The following PSD3 variants were observed in gnomAD, a reference collection of about 807,000 sequenced individuals.
PSD3 encodes PH and SEC7 domain-containing protein 3.
In PSD3, 49 loss-of-function variants were observed where a neutral mutation model predicts 105.5. The ratio of observed to expected loss-of-function variants is 0.46; its 90% CI spans 0.37 to 0.59. The LOEUF is 0.59. Among genes scored for constraint, PSD3 ranks in the 20% least tolerant of loss-of-function variants. PSD3 has a pLI of 0.00. For synonymous variants in PSD3, 557 were observed against 457.8 expected, an observed-to-expected ratio of 1.22 and a Z score of -2.77; for missense variants, 1,561 against 1,263.8, an observed-to-expected ratio of 1.24 and a Z score of -3.57.
intron 2 of PSD3, among the ~76,000 whole-genome samples, chr8:18,908,681 C>A (rs890450735): frequency 6.6e-6 from 1 of 152,178 alleles, no homozygotes; most frequent in Non-Finnish European, 1.5e-5. Context: ...GAGATTCGTA[C>A]CAATCATTTG....
chr8:18,544,726 T>C (rs529461943), intron 15 of PSD3, among the ~76,000 whole-genome samples: 1 of 152,318 alleles, frequency 6.6e-6, no homozygotes, highest in Non-Finnish European at 1.5e-5. Context: ...CCAGGAGGCC[T>C]GGGTCTGTAG....
intron 14 of PSD3, among the ~76,000 whole-genome samples, chr8:18,565,845 G>C (rs1178096451): frequency 6.6e-6 from 1 of 152,114 alleles, no homozygotes; most frequent in African/African-American, 2.4e-5. Flanking sequence ...GCAATGTCTG[G>C]AGACATTTTT....
At chr8:18,714,321 C>T (rs1802441456) in intron 9 of PSD3, among the ~76,000 whole-genome samples, 1 of 151,668 alleles carries the variant, frequency 6.6e-6, no homozygotes, top group Non-Finnish European at 1.5e-5. Context: ...GCAAAAGAAA[C>T]TATCATCACA....
intron 4 of PSD3, among the ~76,000 whole-genome samples, chr8:18,810,425 G>A (rs375381271): frequency 1.5e-4 from 23 of 152,212 alleles, no homozygotes; most frequent in African/African-American, 5.1e-4. Flanking sequence ...ACTATTGCCT[G>A]TATAAAACAA....
intron 4 of PSD3, among the ~76,000 whole-genome samples, chr8:18,860,857 T>A (rs965684851): frequency 6.6e-6 from 1 of 152,224 alleles, no homozygotes; most frequent in African/African-American, 2.4e-5. Flanking sequence ...TTTATTTAGA[T>A]CTATGATTCT....
intron 1 of PSD3, among the ~76,000 whole-genome samples, chr8:19,077,822 G>A (rs1829507644): frequency 1.3e-5 from 2 of 152,140 alleles, no homozygotes; most frequent in African/African-American, 2.4e-5. Flanking sequence ...TCAAGGTTCA[G>A]TATAACCCAA....
chr8:18,816,067 G>C (rs1050627897), intron 4 of PSD3, among the ~76,000 whole-genome samples: 8 of 152,164 alleles, frequency 5.3e-5, no homozygotes, highest in Non-Finnish European at 1.0e-4. Flanking sequence ...AGCTCCCCTG[G>C]AGACAGATCC....
rs576568803 is a variant in PSD3, at chr8:18,824,087, C to T, written c.1635-19189G>A. On this transcript the variant is annotated intron_variant, in intron 4 of 15. Transcript: ENST00000327040. Reference sequence around the variant, plus strand: ...ACTTGGGAGGCTGAGGCGGGAAGAGCACGTGAGCCCAGGACTTTGAGGCTA... The same window carrying T: ...ACTTGGGAGGCTGAGGCGGGAAGAGTACGTGAGCCCAGGACTTTGAGGCTA... 9.0e-4 allele frequency among the ~76,000 whole-genome samples: 137 copies of T among 152,274 alleles called. 1 individual carries two copies. The highest frequency in any genetic ancestry group is 4.4e-3 in the East Asian group (23 of 5,172).
chr8:18,606,595 G>A (rs1804851602), intron 11 of PSD3, among the ~76,000 whole-genome samples: 1 of 152,138 alleles, frequency 6.6e-6, no homozygotes, highest in Admixed American at 6.5e-5. Context: ...AAGAATTTAT[G>A]CACAAACTTT....
intron 1 of PSD3, among the ~76,000 whole-genome samples, chr8:19,007,072 T>C (rs970430008): frequency 1.3e-5 from 2 of 151,966 alleles, no homozygotes; most frequent in South Asian, 2.1e-4. Flanking sequence ...CTGGCTAACA[T>C]GGCGAAACCC....
At chr8:18,536,212 G>A (rs1209180174) in intron 15 of PSD3, among the ~76,000 whole-genome samples, 2 of 152,172 alleles carry the variant, frequency 1.3e-5, no homozygotes, top group African/African-American at 4.8e-5. Context: ...TGTCAACTTG[G>A]AGTTGCTGGC....
intron 4 of PSD3, among the ~76,000 whole-genome samples, chr8:18,832,731 G>A (rs1813777687): frequency 6.6e-6 from 1 of 152,220 alleles, no homozygotes; most frequent in African/African-American, 2.4e-5. Flanking sequence ...TCATCGTCAT[G>A]GTGGAAGGCA....
At position 18,610,975 on chromosome 8, in the gene PSD3, T is replaced by C. The variant is rs546702299; in HGVS notation, c.2411-10541A>G. 3.3e-5 allele frequency among the ~76,000 whole-genome samples: 5 copies of C among 152,296 alleles called. No individual in the cohort carries two copies. In the South Asian group the frequency reaches 1.0e-3, roughly 32 times the overall value. ...TCTACTACGATGTGCCATAATTACT[T>C]TATAATGTTGTTGAGTTAATCTGGG... is the stretch of plus-strand genomic sequence containing the variant. On this transcript the variant is annotated intron_variant, in intron 11 of 15. Transcript: ENST00000327040.
chr8:18,900,553 G>A (rs1186904721), intron 2 of PSD3, among the ~76,000 whole-genome samples: 1 of 151,684 alleles, frequency 6.6e-6, no homozygotes, highest in Non-Finnish European at 1.5e-5. Flanking sequence ...CATCACTAGT[G>A]GTACTTTGTA....
chr8:18,588,667 T>A (rs778286851), intron 12 of PSD3, among the ~76,000 whole-genome samples: 8 of 152,224 alleles, frequency 5.3e-5, no homozygotes, highest in Non-Finnish European at 1.0e-4. Flanking sequence ...TCCAGAGCTA[T>A]CATAAATCCG....
At chr8:18,594,293 A>AT (rs1391562937) in intron 12 of PSD3, among the ~76,000 whole-genome samples, 11 of 37,648 alleles carry the variant, frequency 2.9e-4, no homozygotes, top group African/African-American at 1.5e-3. Flanking sequence ...AATATATATT[A>AT]TATATAATAA....
intron 1 of PSD3, among the ~76,000 whole-genome samples, chr8:19,083,397 G>C (rs17127795): frequency 0.12 from 18,127 of 152,220 alleles, 1,123 homozygotes; most frequent in Non-Finnish European, 0.13. Flanking sequence ...AACAAGGGCA[G>C]GCAAGGCCAT....
chr8:18,623,005 C>G (rs140929603), intron 11 of PSD3, among the ~76,000 whole-genome samples: 27 of 152,234 alleles, frequency 1.8e-4, no homozygotes, highest in Admixed American at 3.3e-4. Context: ...ATTAATTATG[C>G]TATAATGATG....
intron 1 of PSD3, among the ~76,000 whole-genome samples, chr8:19,078,098 A>G (rs1326012192): frequency 6.6e-6 from 1 of 152,146 alleles, no homozygotes; most frequent in Non-Finnish European, 1.5e-5. Flanking sequence ...TGGCACAGTC[A>G]CAACTCGCTG....
Sources: allele counts gnomAD v4.1 joint callset (sites outside exome capture counted in the v4.1 genomes callset), GRCh38; gene constraint gnomAD v4.1.1; transcripts MANE v1.5; gene names NCBI Gene and HGNC (gene_info 2026-07-23, HGNC 2026-07-21).